The following IMMT variants were observed in gnomAD, a reference collection of about 807,000 sequenced individuals.
The protein encoded by IMMT is MICOS complex subunit MIC60.
In IMMT, 40 loss-of-function variants were observed where a neutral mutation model predicts 92.7. The observed-to-expected ratio is 0.43, with a 90% CI of 0.34 to 0.56. IMMT has a LOEUF of 0.56. Among genes scored for constraint, IMMT ranks in the 20% least tolerant of loss-of-function variants. The probability of loss-of-function intolerance (pLI) is 0.03; values close to 1 mark genes in which losing one functional copy is unlikely to be tolerated. For missense variants in IMMT, 831 were observed against 912.1 expected (o/e 0.91, Z 1.14); for synonymous variants, 322 against 336.1 (o/e 0.96, Z 0.46).
intron 3 of IMMT, among the ~76,000 whole-genome samples, chr2:86,176,108 G>GCC (rs1246705278): frequency 6.6e-6 from 1 of 152,182 alleles, no homozygotes; most frequent in African/African-American, 2.4e-5. Context: ...CAAGGGTATT[G>GCC]AATGTCAACT....
At chr2:86,189,640 C>T (rs930700881) in intron 1 of IMMT, among the ~76,000 whole-genome samples, 2 of 152,196 alleles carry the variant, frequency 1.3e-5, no homozygotes, top group African/African-American at 4.8e-5. Context: ...GTTTCCTCCA[C>T]AGACTGCTGG....
At chr2:86,145,268 G>A (rs74416436) in intron 14 of IMMT, among the ~76,000 whole-genome samples, 6,344 of 151,908 alleles carry the variant, frequency 0.042, 473 homozygotes, top group African/African-American at 0.15. Context: ...GCCGAGGTGG[G>A]TGGATCACTT....
At chr2:86,177,765 G>A (rs191091442) in intron 3 of IMMT, among the ~76,000 whole-genome samples, 8 of 152,230 alleles carry the variant, frequency 5.3e-5, no homozygotes, top group Admixed American at 1.3e-4. Flanking sequence ...ACCATAATAC[G>A]TGGTTTTATG....
At position 86,144,467 on chromosome 2, in the gene IMMT, T is replaced by C. The variant is rs1416132756; in HGVS notation, c.2078A>G (p.Tyr693Cys). Reference protein sequence around the residue: ...EDINTFKLLSYASYCIEHGDL... With the variant: ...EDINTFKLLSCASYCIEHGDL... Reference sequence around the variant, plus strand: ...ACCATGCTCAATGCAATAGGAAGCATATGACAGTAATTTAAATGTGTTTAT... The same window carrying C: ...ACCATGCTCAATGCAATAGGAAGCACATGACAGTAATTTAAATGTGTTTAT... The change falls in exon 15 of 15, where the codon TAT becomes TGT. Residue 693 changes from tyrosine (Y) to cysteine (C), a missense_variant. Transcript: ENST00000410111. The C allele has an allele frequency of 6.2e-7, 1 of 1,613,938 alleles. No homozygotes were observed.
chr2:86,164,294 T>C (rs1202962409), intron 7 of IMMT, among the ~76,000 whole-genome samples: 1 of 149,270 alleles, frequency 6.7e-6, no homozygotes. Flanking sequence ...TGACCTCAAA[T>C]GATCCACCAG....
At chr2:86,191,747 CAAAAAAAAAAAA>C (rs572412565) in intron 1 of IMMT, among the ~76,000 whole-genome samples, 1 of 116,874 alleles carries the variant, frequency 8.6e-6, no homozygotes, top group African/African-American at 3.4e-5. Flanking sequence ...ACTAAAAATA[CAAAAAAAAAAAA>C]AAAAAAAAAA....
chr2:86,171,430 C>T, intron 4 of IMMT, 85 bp from the exon 5 acceptor site: 1 of 1,228,304 alleles, frequency 8.1e-7, no homozygotes. Flanking sequence ...CATCACCACC[C>T]ACTTCACATC....
At chr2:86,184,993 CCTG>C (rs1041831007) in intron 1 of IMMT, among the ~76,000 whole-genome samples, 17 of 152,052 alleles carry the variant, frequency 1.1e-4, no homozygotes, top group Non-Finnish European at 1.8e-4. Context: ...TTGAGACCAT[CCTG>C]CTGAACATGG....
At chr2:86,158,433 G>A in intron 10 of IMMT, 159 bp downstream of exon 10, 2 of 513,816 alleles carry the variant, frequency 3.9e-6, no homozygotes, top group Non-Finnish European at 7.0e-6. Flanking sequence ...TTGCAGCTGT[G>A]TCATCTGTAA....
chr2:86,195,409 T>G lies in IMMT; in HGVS notation c.-27A>C, dbSNP rs1458157758. The G allele has an allele frequency of 9.7e-6, 15 of 1,545,238 alleles. No individual in the cohort carries two copies. In the Admixed American group the frequency reaches 1.2e-4, roughly 12 times the overall value. On this transcript the variant is annotated 5_prime_UTR_variant, in exon 1 of 15. Transcript: ENST00000410111. ...TCGGTCAAGCGGACGGCGCTGCTGG[T>G]GGACTCGAGCTGCCGCGGCGGCGCG... is the stretch of plus-strand genomic sequence containing the variant.
At chr2:86,184,120 T>C (rs1222539381) in intron 1 of IMMT, among the ~76,000 whole-genome samples, 7 of 152,150 alleles carry the variant, frequency 4.6e-5, no homozygotes, top group African/African-American at 1.7e-4. Context: ...TTTTTCATCA[T>C]TGACAATCTG....
At chr2:86,153,190 A>T (rs1193018038) in intron 11 of IMMT, among the ~76,000 whole-genome samples, 1 of 152,056 alleles carries the variant, frequency 6.6e-6, no homozygotes, top group Non-Finnish European at 1.5e-5. Context: ...ATGAGACAAA[A>T]CTGGTCATGT....
intron 5 of IMMT, 85 bp downstream of exon 5, chr2:86,171,123 C>T: frequency 8.4e-7 from 1 of 1,189,766 alleles, no homozygotes; most frequent in Non-Finnish European, 1.2e-6. Flanking sequence ...TAAATGTATA[C>T]TTAGTGTCTA....
In IMMT at chr2:86,152,440, C is replaced by CAAAA. The variant is rs772186185; in HGVS notation, c.1178-924_1178-921dup. Among the ~76,000 whole-genome samples the CAAAA allele has an allele frequency of 1.0e-4, 8 of 76,842 alleles. 1 individual carries two copies. Among genetic ancestry groups the CAAAA allele is most frequent in the South Asian group, 5.1e-4 (1 of 1,956 alleles). The allele number at this position is 76,842 out of a possible 152,430, so 50.4% of individuals were successfully genotyped here. A position where few individuals can be genotyped will look rare whatever the true frequency, so the allele number is the denominator to read the frequency against. Reference sequence around the variant, plus strand: ...TGGGCAACAGAGCAAGACTCCATCTCAAAAAAAAAAAAAAAAAAGAGAGAA... The same window carrying CAAAA: ...TGGGCAACAGAGCAAGACTCCATCTCAAAAAAAAAAAAAAAAAAAAAAGAGAGAA... On this transcript the variant is annotated intron_variant, in intron 11 of 14. Coordinates refer to ENST00000410111, the MANE Select transcript of IMMT (RefSeq NM_006839.3).
At chr2:86,171,137 G>T (rs878856760) in intron 5 of IMMT, 71 bp downstream of exon 5, 1 of 1,325,606 alleles carries the variant, frequency 7.5e-7, no homozygotes, top group Non-Finnish European at 1.0e-6. Context: ...GTGTCTACGT[G>T]TTGCCTAGGC....
chr2:86,166,870 C>T (rs373301018), intron 6 of IMMT, among the ~76,000 whole-genome samples: 2 of 152,008 alleles, frequency 1.3e-5, no homozygotes, highest in East Asian at 2.0e-4. Flanking sequence ...GAGGCCGAGG[C>T]GGGCGTATCA....
chr2:86,180,084 T>A (rs187750714), intron 2 of IMMT, among the ~76,000 whole-genome samples: 5,501 of 151,798 alleles, frequency 0.036, 127 homozygotes, highest in East Asian at 0.1. Context: ...TCTCAAAAAA[T>A]AAATAAATAA....
intron 11 of IMMT, among the ~76,000 whole-genome samples, chr2:86,151,987 T>C (rs1245228788): frequency 6.6e-6 from 1 of 152,232 alleles, no homozygotes; most frequent in African/African-American, 2.4e-5. Context: ...TAAACACATA[T>C]GATCTAGATT....
intron 2 of IMMT, among the ~76,000 whole-genome samples, chr2:86,180,867 A>G (rs1038631644): frequency 6.6e-6 from 1 of 152,062 alleles, no homozygotes; most frequent in Non-Finnish European, 1.5e-5. Flanking sequence ...AGCCTGGGCA[A>G]CAGAGCGAGA....
Sources: gnomAD v4.1 joint callset for allele counts (sites outside exome capture counted in the v4.1 genomes callset) on GRCh38, gnomAD v4.1.1 for gene constraint, MANE v1.5 for transcripts, NCBI Gene and HGNC (gene_info 2026-07-23, HGNC 2026-07-21) for gene names.